The following ZNF813 variants were observed in gnomAD, a reference collection of about 807,000 sequenced individuals.
The protein encoded by ZNF813 is zinc finger protein 813.
A neutral mutation model predicts 7.2 loss-of-function variants in ZNF813; 3 were observed. The observed-to-expected ratio is 0.42, with a 90% CI of 0.19 to 1.08. The LOEUF (loss-of-function observed/expected upper bound fraction) is 1.08, where lower values mean the gene tolerates loss of function less well. Ranked by LOEUF, ZNF813 falls within the 50% of genes least tolerant of loss-of-function variation. The pLI is 0.30. For synonymous variants in ZNF813, 227 were observed against 256.3 expected (o/e 0.89, Z 1.09); for missense variants, 714 against 753.3 (o/e 0.95, Z 0.61).
chr19:53,489,339 G>A (rs1010081548), intron 3 of ZNF813, among the ~76,000 whole-genome samples: 2 of 152,208 alleles, frequency 1.3e-5, no homozygotes, highest in Non-Finnish European at 2.9e-5. Context: ...ACTGTGGCTC[G>A]TGCCTGTAGT....
intron 1 of ZNF813, among the ~76,000 whole-genome samples, chr19:53,482,004 C>T (rs1295086440): frequency 6.6e-6 from 1 of 152,132 alleles, no homozygotes; most frequent in East Asian, 1.9e-4. Context: ...TTCTCTTTCT[C>T]TGAGCCCCAG....
chr19:53,480,434 A>T (rs2086402873), intron 1 of ZNF813, among the ~76,000 whole-genome samples: 1 of 150,580 alleles, frequency 6.6e-6, no homozygotes, highest in South Asian at 2.1e-4. Context: ...AGCTCACATC[A>T]TTTTTTTTCT....
chr19:53,469,698 T>G (rs1213589232), intron 1 of ZNF813, among the ~76,000 whole-genome samples: 8 of 143,406 alleles, frequency 5.6e-5, no homozygotes, highest in African/African-American at 7.8e-5. Flanking sequence ...GAGGAGGGAT[T>G]TGGAGCCAGG....
chr19:53,478,315 G>A (rs1172895646), intron 1 of ZNF813, among the ~76,000 whole-genome samples: 7 of 152,038 alleles, frequency 4.6e-5, no homozygotes, highest in Non-Finnish European at 7.4e-5. Context: ...GACCACAGGC[G>A]TGAGCCACCA....
At chr19:53,467,984 C>T (rs548138571) in intron 1 of ZNF813, among the ~76,000 whole-genome samples, 195 bp downstream of exon 1, 23 of 152,232 alleles carry the variant, frequency 1.5e-4, no homozygotes, top group Non-Finnish European at 2.8e-4. Context: ...TGGTCCCGTC[C>T]CGGGTCTTTC....
At chr19:53,472,166 A>G (rs2086362700) in intron 1 of ZNF813, among the ~76,000 whole-genome samples, 1 of 152,090 alleles carries the variant, frequency 6.6e-6, no homozygotes, top group African/African-American at 2.4e-5. Context: ...CCACACGGGT[A>G]GGTCTGGCTT....
intron 1 of ZNF813, chr19:53,479,611 A>G: frequency 2.5e-6 from 3 of 1,203,520 alleles, no homozygotes; most frequent in Non-Finnish European, 3.6e-6. Flanking sequence ...TGAGAGTGAG[A>G]GAGATACAAA....
intron 1 of ZNF813, among the ~76,000 whole-genome samples, chr19:53,476,277 G>A (rs1419307234): frequency 6.6e-6 from 1 of 152,194 alleles, no homozygotes; most frequent in Non-Finnish European, 1.5e-5. Context: ...CTGCAACAAG[G>A]TGCAGTTGCT....
chr19:53,489,780 C>T (rs1244721985), intron 3 of ZNF813, among the ~76,000 whole-genome samples: 1 of 152,018 alleles, frequency 6.6e-6, no homozygotes, highest in Non-Finnish European at 1.5e-5. Context: ...CTCACTGCAA[C>T]CTCTGCCTCT....
chr19:53,485,675 A>G (rs1386658873), intron 2 of ZNF813, among the ~76,000 whole-genome samples: 3 of 151,706 alleles, frequency 2.0e-5, no homozygotes, highest in South Asian at 2.1e-4. Flanking sequence ...TACACACACA[A>G]TGGATTTTCA....
intron 1 of ZNF813, among the ~76,000 whole-genome samples, chr19:53,478,426 C>T (rs1267838240): frequency 1.3e-5 from 2 of 152,066 alleles, no homozygotes; most frequent in Non-Finnish European, 2.9e-5. Context: ...TCTGCCTTGG[C>T]CTTCCGAAAT....
At chr19:53,468,235 C>A (rs1475228621) in intron 1 of ZNF813, among the ~76,000 whole-genome samples, 1 of 143,086 alleles carries the variant, frequency 7.0e-6, no homozygotes, top group Non-Finnish European at 1.6e-5. Flanking sequence ...CCCCCCCCAC[C>A]TCCCTCCTCC....
At position 53,483,848 on chromosome 19, in the gene ZNF813, A is replaced by G. The variant is rs775740989; in HGVS notation, c.15+11A>G. On this transcript the variant is annotated intron_variant, in intron 2 of 3. Transcript: ENST00000396403. ...ATGGCTCTTCCTCAGGTGAGATGATATTTTTGGTGGATTGTTCTGTCTCCT... is the reference window on the plus strand; with the variant it reads ...ATGGCTCTTCCTCAGGTGAGATGATGTTTTTGGTGGATTGTTCTGTCTCCT... 6.2e-7 allele frequency: 1 copy of G among 1,613,908 alleles called. No individual in the cohort carries two copies. Among genetic ancestry groups the G allele is most frequent in the Non-Finnish European group, 8.5e-7 (1 of 1,179,996 alleles).
At chr19:53,471,505 G>GT (rs1324577246) in intron 1 of ZNF813, among the ~76,000 whole-genome samples, 1 of 152,114 alleles carries the variant, frequency 6.6e-6, no homozygotes, top group Admixed American at 6.6e-5. Context: ...GATAATGGAA[G>GT]TTTTTAAGAG....
intron 2 of ZNF813, among the ~76,000 whole-genome samples, chr19:53,484,544 CATT>C (rs1450520354): frequency 1.3e-5 from 2 of 152,068 alleles, no homozygotes; most frequent in Non-Finnish European, 2.9e-5. Flanking sequence ...TTTGTATTGT[CATT>C]ATTATTAAAT....
rs554765972 is a variant in ZNF813 at position 53,485,611 on chromosome 19, G to GAT, written c.16-1015_16-1014dup. On this transcript the variant is annotated intron_variant, in intron 2 of 3. Transcript: ENST00000396403. Reference sequence around the variant, plus strand: ...ATATGTATGTCATGATATATATCGTGATATATACATGCATGTCGTGATATA... The same window carrying GAT: ...ATATGTATGTCATGATATATATCGTGATATATATACATGCATGTCGTGATATA... Among the ~76,000 whole-genome samples, 269 of 74,110 alleles carry GAT rather than the reference G, an allele frequency of 3.6e-3. 1 individual carries two copies. The highest frequency in any genetic ancestry group is 0.011 in the South Asian group (24 of 2,212). The allele number at this position is 74,110 out of a possible 152,430, so 48.6% of individuals were successfully genotyped here. A position where few individuals can be genotyped will look rare whatever the true frequency, so the allele number is the denominator to read the frequency against.
chr19:53,476,695 C>T (rs1396969459), intron 1 of ZNF813, among the ~76,000 whole-genome samples: 4 of 151,728 alleles, frequency 2.6e-5, no homozygotes, highest in South Asian at 2.1e-4. Flanking sequence ...ACTCTGTCGC[C>T]GACGCTTAAG....
At chr19:53,468,219 G>GGGCCCCCCC in intron 1 of ZNF813, among the ~76,000 whole-genome samples, 1 of 52,964 alleles carries the variant, frequency 1.9e-5, no homozygotes, top group East Asian at 7.0e-4. Context: ...GCGCCCTCGC[G>GGGCCCCCCC]CCCCCCCCCC....
At chr19:53,479,506 G>C in intron 1 of ZNF813, 16 of 1,379,106 alleles carry the variant, frequency 1.2e-5, no homozygotes, top group Non-Finnish European at 1.6e-5. Context: ...CTCCGTGAAC[G>C]GTAGGATCCA....
Sources: allele counts gnomAD v4.1 joint callset (sites outside exome capture counted in the v4.1 genomes callset), GRCh38; gene constraint gnomAD v4.1.1; transcripts MANE v1.5; gene names NCBI Gene and HGNC (gene_info 2026-07-23, HGNC 2026-07-21).